Variants in RBM20 observed in about 807,000 individuals in gnomAD.
RBM20 encodes the protein RNA binding motif protein 20, also known as RNA-binding protein 20.
RBM20 carries 51 observed loss-of-function variants against 110.1 expected under a neutral mutation model. The observed-to-expected ratio is 0.46, with a 90% CI of 0.37 to 0.59. The LOEUF is 0.59. RBM20 is among the 20% of genes least tolerant of loss of function. The pLI is 0.00. For missense variants in RBM20, 1,512 were observed against 1,574.9 expected (o/e 0.96, Z 0.68); for synonymous variants, 589 against 618.2 (o/e 0.95, Z 0.70).
intron 1 of RBM20, among the ~76,000 whole-genome samples, chr10:110,752,938 TA>T (rs1296001741): frequency 0.13 from 11,908 of 90,318 alleles, 750 homozygotes; most frequent in Non-Finnish European, 0.19. Context: ...TATATATATA[TA>T]TATATATTTT....
rs927397935 is a variant in RBM20, at chr10:110,838,013, G to A, written c.*2035G>A. On this transcript the variant is annotated 3_prime_UTR_variant, in exon 14 of 14. Transcript: ENST00000369519. ...CTTCCAGGAAATCAGGAGAGAGAGAGAGAGAAAGAATAGCCAAATCCCCAA... is the reference window on the plus strand; with the variant it reads ...CTTCCAGGAAATCAGGAGAGAGAGAAAGAGAAAGAATAGCCAAATCCCCAA... 6.6e-6 allele frequency: 1 copy of A among 152,224 alleles called. No homozygotes were observed. The highest frequency in any genetic ancestry group is 2.4e-5 in the African/African-American group (1 of 41,440). 9.4% of individuals were successfully genotyped at this position (152,224 alleles called of 1,614,324 possible). A position where few individuals can be genotyped will look rare whatever the true frequency, so the allele number is the denominator to read the frequency against.
chr10:110,658,935 A>C (rs1389166272), intron 1 of RBM20, among the ~76,000 whole-genome samples: 2 of 152,142 alleles, frequency 1.3e-5, no homozygotes, highest in Non-Finnish European at 2.9e-5. Flanking sequence ...TGTGGCTCCC[A>C]TAGTAGCATT....
intron 1 of RBM20, among the ~76,000 whole-genome samples, chr10:110,767,589 G>A (rs1284217268): frequency 1.3e-5 from 2 of 151,078 alleles, no homozygotes; most frequent in African/African-American, 4.9e-5. Flanking sequence ...GTTGCCAGAC[G>A]GAGGGTCTCC....
chr10:110,668,568 C>A (rs1862213860), intron 1 of RBM20, among the ~76,000 whole-genome samples: 1 of 151,272 alleles, frequency 6.6e-6, no homozygotes, highest in Non-Finnish European at 1.5e-5. Context: ...CCCCAACATA[C>A]CAAGGGAGAC....
intron 1 of RBM20, among the ~76,000 whole-genome samples, chr10:110,729,261 A>G (rs1456081678): frequency 6.6e-6 from 1 of 152,224 alleles, no homozygotes; most frequent in East Asian, 1.9e-4. Flanking sequence ...AATTATTTAA[A>G]TAGTCAATAA....
chr10:110,742,898 C>T (rs933146257), intron 1 of RBM20, among the ~76,000 whole-genome samples: 1 of 152,206 alleles, frequency 6.6e-6, no homozygotes, highest in African/African-American at 2.4e-5. Context: ...GTGTGCCTCA[C>T]CTCCAACTCT....
chr10:110,730,351 G>T (rs1843608177), intron 1 of RBM20, among the ~76,000 whole-genome samples: 1 of 152,242 alleles, frequency 6.6e-6, no homozygotes, highest in Non-Finnish European at 1.5e-5. Context: ...GAATGCGCCT[G>T]ATTTTAACCT....
intron 1 of RBM20, among the ~76,000 whole-genome samples, chr10:110,707,608 A>G (rs1015956590): frequency 2.0e-5 from 3 of 148,726 alleles, no homozygotes; most frequent in African/African-American, 7.5e-5. Context: ...TTGCAATAAC[A>G]TGAATGAAAC....
chr10:110,709,566 T>C (rs974587337), intron 1 of RBM20, among the ~76,000 whole-genome samples: 12 of 151,136 alleles, frequency 7.9e-5, no homozygotes, highest in African/African-American at 9.7e-5. Context: ...TAATTTCTTT[T>C]TTTTTTTTTT....
At chr10:110,759,105 C>T (rs749106701) in intron 1 of RBM20, among the ~76,000 whole-genome samples, 10 of 152,376 alleles carry the variant, frequency 6.6e-5, no homozygotes, top group African/African-American at 2.4e-4. Flanking sequence ...CTGGTTTCCT[C>T]TGCTAATGGC....
chr10:110,791,760 G>C (rs1032425659), intron 5 of RBM20, among the ~76,000 whole-genome samples: 1 of 152,216 alleles, frequency 6.6e-6, no homozygotes, highest in Non-Finnish European at 1.5e-5. Context: ...GTCAGTGCTG[G>C]CTTGCAGGCA....
chr10:110,643,791 T>A (rs575539825), upstream of RBM20, among the ~76,000 whole-genome samples: 1 of 152,232 alleles, frequency 6.6e-6, no homozygotes, highest in East Asian at 1.9e-4. Flanking sequence ...TCGGGGCGAG[T>A]CCAGGCTTTC....
At chr10:110,685,517 A>G (rs1305413380) in intron 1 of RBM20, among the ~76,000 whole-genome samples, 1 of 152,082 alleles carries the variant, frequency 6.6e-6, no homozygotes, top group African/African-American at 2.4e-5. Flanking sequence ...GATGGAATGT[A>G]TTTTTCTTTG....
intron 1 of RBM20, among the ~76,000 whole-genome samples, chr10:110,762,933 C>A (rs1387691311): frequency 6.6e-6 from 1 of 152,148 alleles, no homozygotes; most frequent in Non-Finnish European, 1.5e-5. Flanking sequence ...ACCTAGTAGA[C>A]CATGGGAAGG....
intron 1 of RBM20, among the ~76,000 whole-genome samples, chr10:110,702,594 G>C (rs971854067): frequency 6.6e-6 from 1 of 152,200 alleles, no homozygotes; most frequent in African/African-American, 2.4e-5. Context: ...CTTTGTGATC[G>C]GAAGGATGTG....
chr10:110,710,375 C>A (rs1211616877), intron 1 of RBM20, among the ~76,000 whole-genome samples: 1 of 152,254 alleles, frequency 6.6e-6, no homozygotes, highest in African/African-American at 2.4e-5. Flanking sequence ...TGCCTGAGCA[C>A]TTCCCATGTG....
At position 110,821,634 on chromosome 10, in the gene RBM20, T is replaced by C; in HGVS notation, c.3015T>C (p.Asp1005=). The change falls in exon 11 of 14, where the codon GAT becomes GAC. Residue 1005 remains aspartate (D), a synonymous_variant. Transcript: ENST00000369519. The part of the protein sequence containing the change: ...MDVEMPGLNL[D]AERKPAESET... Reference sequence around the variant, plus strand: ...TGGAAATGCCTGGCCTAAATCTGGATGCTGAGCGGAAGCCAGCTGAAAGTG... The same window carrying C: ...TGGAAATGCCTGGCCTAAATCTGGACGCTGAGCGGAAGCCAGCTGAAAGTG... The C allele has an allele frequency of 1.3e-6, 2 of 1,551,720 alleles. No individual in the cohort carries two copies. Among genetic ancestry groups the C allele is most frequent in the East Asian group, 2.4e-5 (1 of 40,920 alleles).
intron 1 of RBM20, among the ~76,000 whole-genome samples, chr10:110,684,590 AC>A (rs1046420253): frequency 3.3e-5 from 5 of 152,196 alleles, no homozygotes; most frequent in Admixed American, 6.5e-5. Flanking sequence ...CTTAATTTCC[AC>A]CCTCTTTAAC....
intron 1 of RBM20, among the ~76,000 whole-genome samples, chr10:110,775,502 T>A (rs986773080): frequency 6.6e-6 from 1 of 152,244 alleles, no homozygotes; most frequent in African/African-American, 2.4e-5. Context: ...TGTGTCCTTG[T>A]TATTCCACAG....
Sources: allele counts gnomAD v4.1 joint callset (sites outside exome capture counted in the v4.1 genomes callset), GRCh38; gene constraint gnomAD v4.1.1; transcripts MANE v1.5; gene names NCBI Gene and HGNC (gene_info 2026-07-23, HGNC 2026-07-21).